KMT5B: variants seen among roughly 807,000 people sequenced by gnomAD.
KMT5B encodes lysine methyltransferase 5B, also known as histone-lysine N-methyltransferase KMT5B.
In KMT5B, 10 loss-of-function variants were observed where a neutral mutation model predicts 83.2. The ratio of observed to expected loss-of-function variants is 0.12; its 90% CI spans 0.07 to 0.20. The LOEUF (loss-of-function observed/expected upper bound fraction) is 0.20. Among genes scored for constraint, KMT5B ranks in the 10% least tolerant of loss-of-function variants. KMT5B has a pLI of 1.00. For missense variants in KMT5B, 753 were observed against 1,067.2 expected (o/e 0.71, Z 4.10); for synonymous variants, 349 against 388.8 (o/e 0.90, Z 1.20).
intron 1 of KMT5B, among the ~76,000 whole-genome samples, chr11:68,197,428 G>A (rs929970186): frequency 6.6e-6 from 1 of 152,180 alleles, no homozygotes; most frequent in African/African-American, 2.4e-5. Context: ...ATTTTATCAT[G>A]TTAGGGCAAA....
intron 2 of KMT5B, among the ~76,000 whole-genome samples, chr11:68,188,503 T>C (rs1372192439): frequency 2.0e-5 from 3 of 151,938 alleles, no homozygotes; most frequent in Admixed American, 1.3e-4. Flanking sequence ...TGCAACACCA[T>C]GATTGGCTAA....
chr11:68,184,923 T>C (rs988650952), intron 3 of KMT5B, among the ~76,000 whole-genome samples: 10 of 152,194 alleles, frequency 6.6e-5, no homozygotes, highest in African/African-American at 2.4e-4. Flanking sequence ...GTTTTTTATA[T>C]ACAGCATTTG....
At chr11:68,211,738 G>C (rs1164959068) in intron 1 of KMT5B, among the ~76,000 whole-genome samples, 2 of 152,222 alleles carry the variant, frequency 1.3e-5, no homozygotes, top group Non-Finnish European at 2.9e-5. Context: ...GAGAAAAGGG[G>C]TGGAGGAATG....
At position 68,157,811 on chromosome 11, in the gene KMT5B, A is replaced by C. The variant is rs149821065; in HGVS notation, c.2535T>G (p.Phe845Leu). 5 of 1,614,040 alleles carry C rather than the reference A, an allele frequency of 3.1e-6. No homozygotes were observed. The African/African-American group carries it at 6.7e-5, about 22-fold the overall frequency. ...DEEEDDYDDD[F>L]EDDFIPLPPA... ...GAGGAAGAGGAATAAAATCGTCTTC[A>C]AAGTCATCATCATAGTCATCCTCCT... Residue 845 changes from phenylalanine (F) to leucine (L), a missense_variant, in exon 11 of 11, where the codon TTT becomes TTG. Coordinates refer to ENST00000304363, the MANE Select transcript of KMT5B (RefSeq NM_017635.5).
At chr11:68,173,384 A>G (rs936589650) in intron 6 of KMT5B, among the ~76,000 whole-genome samples, 6 of 152,204 alleles carry the variant, frequency 3.9e-5, no homozygotes, top group Admixed American at 2.6e-4. Context: ...ACATATATAT[A>G]TATCTGTATG....
intron 4 of KMT5B, chr11:68,179,331 A>T: frequency 2.4e-6 from 2 of 827,646 alleles, no homozygotes; most frequent in Non-Finnish European, 3.3e-6. Context: ...TTGCTACTTT[A>T]AATCAACCAA....
At chr11:68,168,326 T>C (rs992920845) in intron 9 of KMT5B, among the ~76,000 whole-genome samples, 1 of 152,024 alleles carries the variant, frequency 6.6e-6, no homozygotes, top group Non-Finnish European at 1.5e-5. Context: ...TAGGAGCTTT[T>C]TGTTATTAGA....
rs771165599 is a variant in KMT5B, at chr11:68,171,110, T to C, written c.882A>G (p.Leu294=). The C allele has an allele frequency of 1.2e-6, 2 of 1,610,542 alleles. No homozygotes were observed. The highest frequency in any genetic ancestry group is 1.7e-6 in the Non-Finnish European group (2 of 1,179,270). Residue 294 remains leucine (L), a synonymous_variant, in exon 9 of 11, where the codon CTA becomes CTG. Transcript: ENST00000304363. This position sits in a 1 kb window ranked among gnomAD's most constrained non-coding sequence, Gnocchi z 5.1. ...TTTCTTCTCCAGGTTCAATGTCTCT[T>C]AGAGCCTTCACACATGCTGTATCTC... The part of the protein sequence containing the change: ...TGRDTACVKA[L]RDIEPGEEIS...
rs183140260 is a variant in KMT5B at position 68,162,970 on chromosome 11, T to C, written c.1175-3799A>G. ...AGAAGCTGCACTGTCCTGGCAGGGGTTGAGAATTTCAGACAGTGAAGGCTA... is the reference window on the plus strand; with the variant it reads ...AGAAGCTGCACTGTCCTGGCAGGGGCTGAGAATTTCAGACAGTGAAGGCTA... On this transcript the variant is annotated intron_variant, in intron 10 of 10. Transcript: ENST00000304363. Among the ~76,000 whole-genome samples the C allele has an allele frequency of 2.1e-4, 32 of 151,900 alleles. No individual in the cohort carries two copies. The East Asian group carries it at 5.4e-3, about 26-fold the overall frequency.
chr11:68,195,951 G>A (rs1230425914), intron 1 of KMT5B, among the ~76,000 whole-genome samples: 1 of 152,300 alleles, frequency 6.6e-6, no homozygotes, highest in East Asian at 1.9e-4. Context: ...GAATCCAGGA[G>A]TTTGAGACCA....
chr11:68,173,677 G>T, intron 6 of KMT5B, 127 bp downstream of exon 6: 1 of 630,922 alleles, frequency 1.6e-6, no homozygotes, highest in Non-Finnish European at 2.7e-6. Context: ...CAAGGCAACG[G>T]CGATGCATTG....
At chr11:68,213,080 C>T (rs1385684373) in intron 1 of KMT5B, 58 bp downstream of exon 1, 4 of 137,876 alleles carry the variant, frequency 2.9e-5, no homozygotes, top group Admixed American at 2.8e-4. Context: ...CTGCCCGCCC[C>T]GTCACCGAGG....
intron 1 of KMT5B, among the ~76,000 whole-genome samples, 160 bp downstream of exon 1, chr11:68,212,978 C>T (rs1261458399): frequency 2.8e-5 from 4 of 141,580 alleles, no homozygotes; most frequent in Non-Finnish European, 6.3e-5. Flanking sequence ...CAGCCCCGCC[C>T]CCCGCGCCCG....
At chr11:68,207,099 G>T (rs572513259) in intron 1 of KMT5B, among the ~76,000 whole-genome samples, 1 of 151,854 alleles carries the variant, frequency 6.6e-6, no homozygotes, top group Admixed American at 6.6e-5. Flanking sequence ...AAAATTAGCC[G>T]GGCATGGTGG....
rs560332143 is a variant in KMT5B, at chr11:68,173,933, T to C, written c.544-20A>G. ...AAATACCTAAAACAGGAAAAAAAAA[T>C]TGATAATGACTTTAAATGGTATACC... On this transcript the variant is annotated intron_variant, in intron 5 of 10. Transcript: ENST00000304363. 8.2e-7 allele frequency: 1 copy of C among 1,221,664 alleles called. No homozygotes were observed. The highest frequency in any genetic ancestry group is 1.2e-6 in the Non-Finnish European group (1 of 855,476). The allele number at this position is 1,221,664 out of a possible 1,614,324, so 75.7% of individuals were successfully genotyped here.
chr11:68,198,202 G>A (rs1308779969), intron 1 of KMT5B, among the ~76,000 whole-genome samples: 1 of 152,120 alleles, frequency 6.6e-6, no homozygotes, highest in Admixed American at 6.5e-5. Flanking sequence ...TGGACAACAA[G>A]GTGAAACCCC....
intron 1 of KMT5B, among the ~76,000 whole-genome samples, chr11:68,196,842 G>A (rs1166350786): frequency 6.6e-6 from 1 of 152,072 alleles, no homozygotes; most frequent in African/African-American, 2.4e-5. Context: ...ACAACTTATG[G>A]ATAATCATGG....
intron 4 of KMT5B, among the ~76,000 whole-genome samples, chr11:68,177,496 A>G (rs940249314): frequency 5.3e-5 from 8 of 152,176 alleles, no homozygotes; most frequent in Non-Finnish European, 1.0e-4. Flanking sequence ...AACAGGTATA[A>G]TACTGTTTAC....
At chr11:68,193,372 A>C (rs979702785) in intron 1 of KMT5B, among the ~76,000 whole-genome samples, 1 of 152,244 alleles carries the variant, frequency 6.6e-6, no homozygotes, top group South Asian at 2.1e-4. Context: ...ATGCCTGGAC[A>C]TACCTTTAAT....
Sources: allele counts gnomAD v4.1 joint callset (sites outside exome capture counted in the v4.1 genomes callset), GRCh38; gene constraint gnomAD v4.1.1; non-coding constraint Gnocchi (gnomAD v3.1); transcripts MANE v1.5; gene names NCBI Gene and HGNC (gene_info 2026-07-23, HGNC 2026-07-21).